LAMA2: variants seen among roughly 807,000 people sequenced by gnomAD.
LAMA2 encodes the protein laminin subunit alpha-2.
LAMA2 carries 269 observed loss-of-function variants against 364.8 expected under a neutral mutation model. The observed-to-expected ratio is 0.74, with a 90% CI of 0.67 to 0.82. LAMA2 has a LOEUF of 0.82. Among genes scored for constraint, LAMA2 ranks in the 40% least tolerant of loss-of-function variants. The pLI is 0.00. For missense variants in LAMA2, 3,807 were observed against 3,873.2 expected, an observed-to-expected ratio of 0.98 and a Z score of 0.45; for synonymous variants, 1,379 against 1,370.6, an observed-to-expected ratio of 1.01 and a Z score of -0.14.
At chr6:129,088,547 A>T (rs1774556245) in intron 3 of LAMA2, among the ~76,000 whole-genome samples, 1 of 148,336 alleles carries the variant, frequency 6.7e-6, no homozygotes, top group South Asian at 2.2e-4. Flanking sequence ...TCCCTCCTGG[A>T]CGGGGCGGCT....
chr6:128,934,511 T>G (rs1333969205), intron 1 of LAMA2, among the ~76,000 whole-genome samples: 1 of 152,104 alleles, frequency 6.6e-6, no homozygotes, highest in Non-Finnish European at 1.5e-5. Context: ...TTTCTTTCTT[T>G]TTTTTCTGAG....
intron 48 of LAMA2, among the ~76,000 whole-genome samples, chr6:129,457,104 G>C (rs1783007258): frequency 6.6e-6 from 1 of 152,122 alleles, no homozygotes. Context: ...AGATGCAGGA[G>C]CACAACCAAA....
At chr6:129,369,532 C>G (rs542916497) in intron 33 of LAMA2, among the ~76,000 whole-genome samples, 3 of 152,258 alleles carry the variant, frequency 2.0e-5, no homozygotes, top group Admixed American at 2.0e-4. Context: ...TATCTTAACT[C>G]TACCCCTTAC....
chr6:129,423,257 G>A (rs1340054985), intron 40 of LAMA2, among the ~76,000 whole-genome samples: 1 of 152,064 alleles, frequency 6.6e-6, no homozygotes, highest in Non-Finnish European at 1.5e-5. Context: ...AGATTAGGAA[G>A]AAGGCAAGGA....
chr6:129,184,844 A>G (rs1781136664), intron 10 of LAMA2, among the ~76,000 whole-genome samples: 1 of 151,868 alleles, frequency 6.6e-6, no homozygotes, highest in African/African-American at 2.4e-5. Flanking sequence ...CTCTTTCACA[A>G]TATTAAAAGC....
At position 128,909,254 on chromosome 6, in the gene LAMA2, T is replaced by C. The variant is rs996203533; in HGVS notation, c.112+25897T>C. ...AGTGGGGTATTAAAGTCTCCCATTA[T>C]TAATGTGTGGGAGTCTAAGTCTCTT... On this transcript the variant is annotated intron_variant, in intron 1 of 64. Transcript: ENST00000421865. 3.3e-4 allele frequency among the ~76,000 whole-genome samples: 51 copies of C among 152,274 alleles called. 1 individual carries two copies. The East Asian group carries it at 9.8e-3, about 29-fold the overall frequency.
chr6:129,413,173 A>T (rs2114714697), intron 40 of LAMA2, among the ~76,000 whole-genome samples: 1 of 152,296 alleles, frequency 6.6e-6, no homozygotes, highest in East Asian at 1.9e-4. Context: ...TAGCAATCAA[A>T]AAGACTTTAA....
In LAMA2 at chr6:129,176,449, T is replaced by C. The variant is rs575690152; in HGVS notation, c.1307-1257T>C. Among the ~76,000 whole-genome samples, 3 of 152,170 alleles carry C rather than the reference T, an allele frequency of 2.0e-5. No individual in the cohort carries two copies. The East Asian group carries it at 5.8e-4, about 29-fold the overall frequency. ...CCACATAATATGTAATTTGATATTATTAGATTATTCAAATTTTCTGTTTTT... is the reference window on the plus strand; with the variant it reads ...CCACATAATATGTAATTTGATATTACTAGATTATTCAAATTTTCTGTTTTT... On this transcript the variant is annotated intron_variant, in intron 9 of 64. Coordinates refer to ENST00000421865, the MANE Select transcript of LAMA2 (RefSeq NM_000426.4).
intron 4 of LAMA2, among the ~76,000 whole-genome samples, chr6:129,129,746 A>G (rs1344062390): frequency 6.6e-6 from 1 of 151,708 alleles, no homozygotes; most frequent in Non-Finnish European, 1.5e-5. Flanking sequence ...AAAACGGTGA[A>G]ACCCCGTCTC....
chr6:129,044,205 TAC>T (rs949373938), intron 1 of LAMA2, among the ~76,000 whole-genome samples: 2 of 151,890 alleles, frequency 1.3e-5, no homozygotes, highest in African/African-American at 4.8e-5. Context: ...CACATATACA[TAC>T]ACACACCAAA....
intron 14 of LAMA2, among the ~76,000 whole-genome samples, chr6:129,257,609 T>C (rs1258197044): frequency 1.3e-5 from 2 of 152,134 alleles, no homozygotes; most frequent in Non-Finnish European, 2.9e-5. Flanking sequence ...TTAATCAATC[T>C]GCTGTTTAGT....
intron 1 of LAMA2, among the ~76,000 whole-genome samples, chr6:128,958,327 T>C (rs780004749): frequency 6.6e-6 from 1 of 152,140 alleles, no homozygotes; most frequent in Non-Finnish European, 1.5e-5. Flanking sequence ...ATCATTTATA[T>C]GTTTAATATA....
At chr6:129,107,957 A>G (rs1444944897) in intron 4 of LAMA2, among the ~76,000 whole-genome samples, 1 of 152,158 alleles carries the variant, frequency 6.6e-6, no homozygotes, top group Non-Finnish European at 1.5e-5. Flanking sequence ...GTGAGATTGC[A>G]CAGACCTGAG....
rs112356062 is a variant in LAMA2 at position 129,454,483 on chromosome 6, A to G, written c.6707+195A>G. On this transcript the variant is annotated intron_variant, in intron 47 of 64. Coordinates refer to ENST00000421865, the MANE Select transcript of LAMA2 (RefSeq NM_000426.4). ...TTAGGAACTGACAAACCTTCCAGGT[A>G]TTGACCAGAGGAACAACTCCATTTC... Among the ~76,000 whole-genome samples, 240 of 152,282 alleles carry G rather than the reference A, an allele frequency of 1.6e-3. 1 individual carries two copies. The highest frequency in any genetic ancestry group is 5.5e-3 in the African/African-American group (228 of 41,570).
At chr6:129,140,392 G>T (rs1778055934) in intron 4 of LAMA2, among the ~76,000 whole-genome samples, 1 of 152,020 alleles carries the variant, frequency 6.6e-6, no homozygotes. Flanking sequence ...TCAAAGAAGA[G>T]TGTCATTTTA....
At chr6:128,895,468 TAA>T (rs34458994) in intron 1 of LAMA2, among the ~76,000 whole-genome samples, 38 of 65,842 alleles carry the variant, frequency 5.8e-4, no homozygotes, top group African/African-American at 1.2e-3. Context: ...CTGTCTCTAC[TAA>T]AAAAAAAAAA....
intron 1 of LAMA2, among the ~76,000 whole-genome samples, chr6:129,021,190 A>G (rs1440206170): frequency 6.6e-6 from 1 of 152,182 alleles, no homozygotes; most frequent in Non-Finnish European, 1.5e-5. Context: ...TTATTTCATT[A>G]TAGTAGACCC....
chr6:129,109,103 C>A (rs1775992801), intron 4 of LAMA2, among the ~76,000 whole-genome samples: 1 of 152,070 alleles, frequency 6.6e-6, no homozygotes, highest in African/African-American at 2.4e-5. Context: ...ATGGAGCCTG[C>A]TAGTGTGTGG....
chr6:129,189,626 GA>G, intron 10 of LAMA2, among the ~76,000 whole-genome samples: 1 of 152,022 alleles, frequency 6.6e-6, no homozygotes, highest in East Asian at 1.9e-4. Flanking sequence ...TTAACCAGAG[GA>G]AAACTTTGCT....
Sources: allele counts gnomAD v4.1 joint callset (sites outside exome capture counted in the v4.1 genomes callset), GRCh38; gene constraint gnomAD v4.1.1; transcripts MANE v1.5; gene names NCBI Gene and HGNC (gene_info 2026-07-23, HGNC 2026-07-21).